MYO10: variants seen among roughly 807,000 people sequenced by gnomAD.
MYO10 encodes myosin X.
Under a neutral mutation model 257.3 loss-of-function variants are expected in MYO10, and 133 were observed. That is an observed-to-expected ratio of 0.52 (90% confidence interval 0.45 to 0.60). The LOEUF (loss-of-function observed/expected upper bound fraction) is 0.60. MYO10 is among the 20% of genes least tolerant of loss of function. The pLI is 0.00. For synonymous variants in MYO10, 1,104 were observed against 1,028.6 expected, an observed-to-expected ratio of 1.07 and a Z score of -1.40; for missense variants, 2,399 against 2,635.7, an observed-to-expected ratio of 0.91 and a Z score of 1.97.
chr5:16,700,852 T>A, intron 25 of MYO10, 111 bp downstream of exon 25: 4 of 1,292,794 alleles, frequency 3.1e-6, no homozygotes, highest in Non-Finnish European at 4.2e-6. Flanking sequence ...ACCACGACTC[T>A]GCAATCTTTG....
intron 2 of MYO10, among the ~76,000 whole-genome samples, chr5:16,861,097 C>A (rs1464637809): frequency 6.6e-6 from 1 of 152,032 alleles, no homozygotes; most frequent in African/African-American, 2.4e-5. Context: ...GAGGCAGAGC[C>A]AAGGCCCTTG....
At chr5:16,896,814 GGGT>G (rs908506693) in intron 1 of MYO10, among the ~76,000 whole-genome samples, 6 of 152,196 alleles carry the variant, frequency 3.9e-5, no homozygotes, top group African/African-American at 1.4e-4. Context: ...AGGGCCTTCT[GGGT>G]GGTTACCAAA....
At chr5:16,785,623 A>G (rs1034191912) in intron 4 of MYO10, among the ~76,000 whole-genome samples, 16 of 152,188 alleles carry the variant, frequency 1.1e-4, no homozygotes, top group African/African-American at 3.9e-4. Context: ...TAATCCCAGC[A>G]CCATGGGAGG....
At chr5:16,765,839 G>A (rs180948157) in intron 11 of MYO10, among the ~76,000 whole-genome samples, 4 of 152,092 alleles carry the variant, frequency 2.6e-5, no homozygotes, top group Non-Finnish European at 4.4e-5. Context: ...ATCTGCATTC[G>A]ACCCATCCTC....
intron 1 of MYO10, among the ~76,000 whole-genome samples, chr5:16,900,744 G>T (rs375574474): frequency 9.0e-5 from 12 of 132,730 alleles, no homozygotes; most frequent in East Asian, 2.3e-4. Flanking sequence ...CCTAAATCTT[G>T]TTTTTTTTTT....
chr5:16,667,051 G>C (rs1736206925), intron 40 of MYO10, among the ~76,000 whole-genome samples: 1 of 152,240 alleles, frequency 6.6e-6, no homozygotes, highest in Non-Finnish European at 1.5e-5. Flanking sequence ...GAAACTGTCA[G>C]ACTTTGCACA....
intron 3 of MYO10, among the ~76,000 whole-genome samples, chr5:16,811,468 G>A (rs1742439271): frequency 6.6e-6 from 1 of 152,192 alleles, no homozygotes; most frequent in Non-Finnish European, 1.5e-5. Context: ...TTCTCCCGCT[G>A]CGATGAGGCC....
intron 19 of MYO10, among the ~76,000 whole-genome samples, chr5:16,712,928 C>T (rs1457636482): frequency 2.0e-5 from 3 of 152,134 alleles, no homozygotes; most frequent in Non-Finnish European, 4.4e-5. Context: ...GACTCTTATG[C>T]CGTATCTCTG....
intron 3 of MYO10, among the ~76,000 whole-genome samples, chr5:16,796,657 G>A (rs922366888): frequency 5.3e-5 from 8 of 152,168 alleles, no homozygotes; most frequent in African/African-American, 1.9e-4. Context: ...CAGTCAGACA[G>A]GGGTGGGAGC....
At chr5:16,749,118 A>C (rs1278206342) in intron 19 of MYO10, among the ~76,000 whole-genome samples, 3 of 152,084 alleles carry the variant, frequency 2.0e-5, no homozygotes, top group Non-Finnish European at 4.4e-5. Flanking sequence ...GGCTGCATGG[A>C]AACTCTAGCC....
rs531325172 is a variant in MYO10, at chr5:16,795,568, T to C, written c.280-735A>G. On this transcript the variant is annotated intron_variant, in intron 3 of 40. Transcript: ENST00000513610. Reference sequence around the variant, plus strand: ...GTGACCCGAGATAGTGCTACTGCACTCCAGCCTGGGCGACAGAGTGAGATT... The same window carrying C: ...GTGACCCGAGATAGTGCTACTGCACCCCAGCCTGGGCGACAGAGTGAGATT... Among the ~76,000 whole-genome samples, 7 of 152,334 alleles carry C rather than the reference T, an allele frequency of 4.6e-5. No homozygotes were observed. In the South Asian group the frequency reaches 1.4e-3, roughly 32 times the overall value.
At chr5:16,684,741 G>C (rs1056787305) in intron 29 of MYO10, among the ~76,000 whole-genome samples, 4 of 150,758 alleles carry the variant, frequency 2.7e-5, no homozygotes, top group African/African-American at 9.8e-5. Context: ...GGGATAGAGG[G>C]AAGACAAAGA....
chr5:16,673,733 A>G lies in MYO10; in HGVS notation c.5121T>C (p.His1707=), dbSNP rs1485232516. ...RQEMTSTVYC[H]GGGSCKITIN... ...TGGTGATCTTGCAGGAGCCGCCGCC[A>G]TGGCAATAGACCGTGGATGTCATTT... Residue 1707 remains histidine (H), a synonymous_variant, in exon 36 of 41, where the codon CAT becomes CAC. Transcript: ENST00000513610. 6 of 1,613,818 alleles carry G rather than the reference A, an allele frequency of 3.7e-6. No individual in the cohort carries two copies. Among genetic ancestry groups the G allele is most frequent in the Non-Finnish European group, 5.1e-6 (6 of 1,179,892 alleles).
intron 2 of MYO10, among the ~76,000 whole-genome samples, 195 bp from the exon 3 acceptor site, chr5:16,818,362 ATG>A (rs35397872): frequency 0.46 from 62,386 of 136,424 alleles, 13,787 homozygotes; most frequent in Non-Finnish European, 0.49. Flanking sequence ...GTGTGTATGT[ATG>A]TGTGTGTGTG....
chr5:16,748,609 GGAGAGAGGGAGA>G (rs1235229929), intron 19 of MYO10, among the ~76,000 whole-genome samples: 5 of 144,912 alleles, frequency 3.5e-5, no homozygotes, highest in African/African-American at 8.1e-5. Flanking sequence ...AGAAAAAGAG[GGAGAGAGGGAGA>G]GAGGGAGGGA....
intron 2 of MYO10, among the ~76,000 whole-genome samples, chr5:16,845,912 C>T (rs1743623043): frequency 6.6e-6 from 1 of 150,980 alleles, no homozygotes; most frequent in Admixed American, 6.6e-5. Flanking sequence ...TGCAGTGAGC[C>T]GAGATCACAC....
intron 19 of MYO10, among the ~76,000 whole-genome samples, chr5:16,725,144 C>T (rs61252560): frequency 0.011 from 1,494 of 131,126 alleles, 26 homozygotes; most frequent in African/African-American, 0.041. Context: ...TGGAGTGCAG[C>T]GGCATGATCT....
intron 19 of MYO10, among the ~76,000 whole-genome samples, chr5:16,716,380 G>A (rs1456769283): frequency 6.6e-6 from 1 of 151,572 alleles, no homozygotes; most frequent in South Asian, 2.1e-4. Flanking sequence ...TGACAAACAG[G>A]GACACCAAGA....
At chr5:16,761,283 G>T (rs1172557350) in intron 17 of MYO10, among the ~76,000 whole-genome samples, 181 bp downstream of exon 17, 2 of 152,138 alleles carry the variant, frequency 1.3e-5, no homozygotes, top group Non-Finnish European at 2.9e-5. Flanking sequence ...GAGCCACCAT[G>T]CCCGACCTTG....
Sources: gnomAD v4.1 joint callset for allele counts (sites outside exome capture counted in the v4.1 genomes callset) on GRCh38, gnomAD v4.1.1 for gene constraint, MANE v1.5 for transcripts, NCBI Gene and HGNC (gene_info 2026-07-23, HGNC 2026-07-21) for gene names.